The following NPHP3 variants were observed in gnomAD, a reference collection of about 807,000 sequenced individuals.
The protein encoded by NPHP3 is nephrocystin 3.
NPHP3 carries 123 observed loss-of-function variants against 171.9 expected under a neutral mutation model. That is an observed-to-expected ratio of 0.72 (90% confidence interval 0.62 to 0.83). The LOEUF (loss-of-function observed/expected upper bound fraction) is 0.83. Ranked by LOEUF, NPHP3 falls within the 40% of genes least tolerant of loss-of-function variation. The probability of loss-of-function intolerance (pLI) is 0.00; values close to 1 mark genes in which losing one functional copy is unlikely to be tolerated. For missense variants in NPHP3, 1,506 were observed against 1,591.9 expected (o/e 0.95, Z 0.92); for synonymous variants, 558 against 579.2 (o/e 0.96, Z 0.52).
rs779631297 is a variant in NPHP3 at position 132,704,378 on chromosome 3, A to C, written c.1351-7T>G. On this transcript the variant is annotated splice_polypyrimidine_tract_variant and splice_region_variant and intron_variant, in intron 8 of 26. Coordinates refer to ENST00000337331, the MANE Select transcript of NPHP3 (RefSeq NM_153240.5). ...TCTCAAAACCCAGTATGTCCTAAAC[A>C]CAAAGAACAACCACACAAAAATGAA... 1.2e-6 allele frequency: 2 copies of C among 1,614,170 alleles called. No individual in the cohort carries two copies. Among genetic ancestry groups the C allele is most frequent in the Non-Finnish European group, 1.7e-6 (2 of 1,179,996 alleles).
intron 3 of NPHP3, 46 bp from the exon 4 acceptor site, chr3:132,716,955 T>G: frequency 6.2e-7 from 1 of 1,601,986 alleles, no homozygotes; most frequent in Non-Finnish European, 8.5e-7. Context: ...ACTTATTGAA[T>G]GTTCAAAAAC....
chr3:132,712,120 A>G (rs995886221), intron 6 of NPHP3, among the ~76,000 whole-genome samples: 2 of 152,232 alleles, frequency 1.3e-5, no homozygotes, highest in Non-Finnish European at 2.9e-5. Context: ...GTGAAAAAAA[A>G]TCTTTACTTG....
Position 132,700,026 on chromosome 3 carries a change from T to TGTCA in NPHP3, c.1775_1778dup (p.Leu594AspfsTer6). ...CTTCCAGAAGCTTAGCAGGATCCAG[T>TGTCA]GTCAGAGCAGAGACTGACCAAGAGT... On this transcript the variant is annotated frameshift_variant, in exon 12 of 27. Transcript: ENST00000337331. LOFTEE classifies it high-confidence loss of function. 1 of 1,614,136 alleles carries TGTCA rather than the reference T, an allele frequency of 6.2e-7. No individual in the cohort carries two copies. Among genetic ancestry groups the TGTCA allele is most frequent in the Non-Finnish European group, 8.5e-7 (1 of 1,180,000 alleles).
In NPHP3 at chr3:132,681,974, C is replaced by G. The variant is rs1488952500; in HGVS notation, c.3929G>C (p.Gly1310Ala). 6.2e-7 allele frequency: 1 copy of G among 1,614,064 alleles called. No individual in the cohort carries two copies. Among genetic ancestry groups the G allele is most frequent in the Non-Finnish European group, 8.5e-7 (1 of 1,179,948 alleles). ...GKAPSRHSSS[G>A]DTFSLKTAHS... The stretch of plus-strand genomic sequence containing the variant: ...AGCTGTTTTTAAGCTAAACGTGTCT[C>G]CACTTGATGAATGGCGTGAAGGAGC... Residue 1310 changes from glycine (G) to alanine (A), a missense_variant, in exon 27 of 27, where the codon GGA becomes GCA. Gly to Ala is a moderately conservative substitution (Grantham distance 60, BLOSUM62 0). This residue lies in a region of NPHP3 where 569 missense variants were observed against 648.1 expected (regional missense o/e 0.88). Coordinates refer to ENST00000337331, the MANE Select transcript of NPHP3 (RefSeq NM_153240.5).
Position 132,681,780 on chromosome 3 carries a change from T to C in NPHP3, c.*130A>G, listed in dbSNP as rs1939037125. ...CTTAATGTAATCCAATACAACTTCATACAAATAGCAGTTAAATCACACGTA... is the reference window on the plus strand; with the variant it reads ...CTTAATGTAATCCAATACAACTTCACACAAATAGCAGTTAAATCACACGTA... On this transcript the variant is annotated 3_prime_UTR_variant, in exon 27 of 27. Transcript: ENST00000337331. The C allele has an allele frequency of 9.0e-6, 7 of 776,478 alleles. No individual in the cohort carries two copies. Among genetic ancestry groups the C allele is most frequent in the Non-Finnish European group, 1.6e-5 (7 of 449,626 alleles). The allele number at this position is 776,478 out of a possible 1,614,324, so 48.1% of individuals were successfully genotyped here. A position where few individuals can be genotyped will look rare whatever the true frequency, so the allele number is the denominator to read the frequency against.
chr3:132,716,871 A>G lies in NPHP3; in HGVS notation c.709T>C (p.Leu237=). The G allele has an allele frequency of 6.2e-7, 1 of 1,614,152 alleles. No homozygotes were observed. ...TQCEYWTGGA[L]GSEPSIGSMI... ...CTTCCTATGGAAGGTTCACTTCCCA[A>G]GGCTCCGCCAGTCCAATATTCACAT... The change falls in exon 4 of 27, where the codon TTG becomes CTG. Residue 237 remains leucine (L), a synonymous_variant. Coordinates refer to ENST00000337331, the MANE Select transcript of NPHP3 (RefSeq NM_153240.5).
intron 17 of NPHP3, among the ~76,000 whole-genome samples, chr3:132,692,060 TACC>T (rs1939313040): frequency 6.6e-6 from 1 of 152,238 alleles, no homozygotes; most frequent in African/African-American, 2.4e-5. Context: ...AAAACTTTCA[TACC>T]ACATTTTTAC....
intron 3 of NPHP3, chr3:132,717,261 AGG>A: frequency 4.4e-6 from 1 of 226,640 alleles, no homozygotes; most frequent in African/African-American, 2.4e-5. Context: ...TAAAATCTGA[AGG>A]AAAAAACCTC....
In NPHP3 at chr3:132,719,099, C is replaced by A; in HGVS notation, c.565G>T (p.Ala189Ser). 1 of 1,613,714 alleles carries A rather than the reference C, an allele frequency of 6.2e-7. No homozygotes were observed. Residue 189 changes from alanine to serine, a missense_variant, in exon 3 of 27, where the codon GCC becomes TCC. By Grantham distance (99) the Ala-to-Ser change is moderately conservative (BLOSUM62 1). Around this residue, in one of 3 missense-constraint regions of NPHP3, gnomAD observed 930 missense variants for 924.9 expected, o/e 1.01. Coordinates refer to ENST00000337331, the MANE Select transcript of NPHP3 (RefSeq NM_153240.5). ...KENEIQDLLR[A>S]KRELESKLQR... ...AGTTTGCTCTCCAACTCCCTCTTGG[C>A]CCTCAGTAAGTCCTGAATTTCATTT...
chr3:132,686,885 A>G (rs1483814095), intron 22 of NPHP3, among the ~76,000 whole-genome samples: 2 of 152,170 alleles, frequency 1.3e-5, no homozygotes, highest in African/African-American at 4.8e-5. Flanking sequence ...CCTTTTTCCA[A>G]CCCTTTAAAG....
chr3:132,709,274 T>C (rs1323272089), intron 6 of NPHP3, among the ~76,000 whole-genome samples: 2 of 8,588 alleles, frequency 2.3e-4, no homozygotes, highest in Admixed American at 1.4e-3. Context: ...TTCTCTCCCT[T>C]TTTTTTTTTT....
chr3:132,684,755 C>T lies in NPHP3; in HGVS notation c.3369G>A (p.Arg1123=), dbSNP rs756432332. 6.2e-7 allele frequency: 1 copy of T among 1,613,904 alleles called. No homozygotes were observed. The highest frequency in any genetic ancestry group is 1.1e-5 in the South Asian group (1 of 91,074). The change falls in exon 24 of 27, where the codon AGG becomes AGA. Residue 1123 remains arginine (R), a synonymous_variant. Transcript: ENST00000337331. ...DQFLKRSLEM[R]ERVLGPDHPD... is the part of the protein sequence containing the mutation. ...GGTGATCTGGTCCTAGAACTCGCTC[C>T]CTCATTTCTAAGGAACGCTTCAGAA...
intron 3 of NPHP3, chr3:132,717,961 G>A (rs944080000): frequency 1.4e-5 from 5 of 364,450 alleles, no homozygotes; most frequent in South Asian, 6.2e-5. Context: ...TCACCATGTT[G>A]GCCAGGATGG....
rs371974858 is a variant in NPHP3 at position 132,681,786 on chromosome 3, TAGC to T, written c.*121_*123del. On this transcript the variant is annotated 3_prime_UTR_variant, in exon 27 of 27. Coordinates refer to ENST00000337331, the MANE Select transcript of NPHP3 (RefSeq NM_153240.5). ...GTAATCCAATACAACTTCATACAAATAGCAGTTAAATCACACGTAGTAAAATTT... is the reference window on the plus strand; with the variant it reads ...GTAATCCAATACAACTTCATACAAATAGTTAAATCACACGTAGTAAAATTT... 691 of 783,810 alleles carry T rather than the reference TAGC, an allele frequency of 8.8e-4. 3 individuals are homozygous for T. The African/African-American group carries it at 0.01, about 12-fold the overall frequency. The allele number at this position is 783,810 out of a possible 1,614,324, so 48.6% of individuals were successfully genotyped here.
In NPHP3 at chr3:132,716,828, T is replaced by C; in HGVS notation, c.752A>G (p.Gln251Arg). The change falls in exon 4 of 27, where the codon CAG (glutamine) becomes CGG (arginine). Residue 251 changes from glutamine (Q) to arginine (R), a missense_variant. Around this residue, in one of 3 missense-constraint regions of NPHP3, gnomAD observed 930 missense variants for 924.9 expected, o/e 1.01. Coordinates refer to ENST00000337331, the MANE Select transcript of NPHP3 (RefSeq NM_153240.5). ...GGCAAACTCAGGGCCTCTGAAGGAC[T>C]GCTGAAGCTGGATCATGCTTCCTAT... ...PSIGSMIQLQ[Q>R]SFRGPEFAHS... The C allele has an allele frequency of 1.9e-6, 3 of 1,614,198 alleles. No homozygotes were observed. Among genetic ancestry groups the C allele is most frequent in the Non-Finnish European group, 2.5e-6 (3 of 1,180,002 alleles).
chr3:132,689,171 T>C lies in NPHP3; in HGVS notation c.2786A>G (p.Tyr929Cys). 1.9e-6 allele frequency: 3 copies of C among 1,614,178 alleles called. No homozygotes were observed. Among genetic ancestry groups the C allele is most frequent in the Non-Finnish European group, 2.5e-6 (3 of 1,180,002 alleles). ...GTCCTCGCCTTCGCAGTTTTTCTCA[T>C]ACTGCTTCAATGAATCGAAGTATTC... ...ATEYFDSLKQ[Y>C]EKNCEGEDNM... Residue 929 changes from tyrosine to cysteine, a missense_variant, in exon 20 of 27, where the codon TAT (tyrosine) becomes TGT (cysteine). Physicochemically the swap from Tyr to Cys is radical, Grantham distance 194 (BLOSUM62 -2). Transcript: ENST00000337331.
At chr3:132,710,000 TG>T in intron 6 of NPHP3, among the ~76,000 whole-genome samples, 1 of 152,294 alleles carries the variant, frequency 6.6e-6, no homozygotes, top group South Asian at 2.1e-4. Context: ...AACTGACCCA[TG>T]GGGCTCAGAT....
At chr3:132,694,188 C>A (rs1208895303) in intron 16 of NPHP3, among the ~76,000 whole-genome samples, 1 of 151,866 alleles carries the variant, frequency 6.6e-6, no homozygotes, top group East Asian at 1.9e-4. Context: ...GTTGGCATTG[C>A]AAATGAGCAG....
At chr3:132,708,387 C>T in intron 6 of NPHP3, 130 bp from the exon 7 acceptor site, 2 of 832,640 alleles carry the variant, frequency 2.4e-6, no homozygotes, top group Non-Finnish European at 3.9e-6. Flanking sequence ...AACTGCACAA[C>T]AAGTGAAGCT....
Sources: allele counts gnomAD v4.1 joint callset (sites outside exome capture counted in the v4.1 genomes callset), GRCh38; gene constraint gnomAD v4.1.1; regional missense constraint gnomAD v4.1.1; transcripts MANE v1.5; gene names NCBI Gene and HGNC (gene_info 2026-07-23, HGNC 2026-07-21).